TBC1D16: variants seen among roughly 807,000 people sequenced by gnomAD.
TBC1D16 encodes TBC1 domain family member 16, also known as CTD-2529O21.1.
In TBC1D16, 58 loss-of-function variants were observed where a neutral mutation model predicts 74.7. The ratio of observed to expected loss-of-function variants is 0.78; its 90% confidence interval spans 0.63 to 0.97. The LOEUF (loss-of-function observed/expected upper bound fraction) is 0.97, where lower values mean the gene tolerates loss of function less well. TBC1D16 is among the 50% of genes least tolerant of loss of function. The probability of loss-of-function intolerance (pLI) is 0.00; values close to 1 mark genes in which losing one functional copy is unlikely to be tolerated. For missense variants in TBC1D16, 1,014 were observed against 1,079.5 expected (o/e 0.94, Z 0.85); for synonymous variants, 493 against 474.7 (o/e 1.04, Z -0.50).
intron 9 of TBC1D16, among the ~76,000 whole-genome samples, chr17:79,946,837 C>T (rs1046246693): frequency 2.0e-5 from 3 of 152,234 alleles, no homozygotes; most frequent in Non-Finnish European, 2.9e-5. Flanking sequence ...GAGCTGTCCC[C>T]GGTGCAGGAG....
intron 3 of TBC1D16, among the ~76,000 whole-genome samples, chr17:79,960,717 T>C (rs1022046188): frequency 1.0e-4 from 14 of 136,106 alleles, no homozygotes; most frequent in Middle Eastern, 8.8e-3. Context: ...ATCATGCCAC[T>C]GCACTTCAGC....
chr17:79,949,634 T>TGAATTGCACCTC, intron 7 of TBC1D16, 83 bp downstream of exon 7: 1 of 1,505,866 alleles, frequency 6.6e-7, no homozygotes, highest in Non-Finnish European at 9.0e-7. Flanking sequence ...TTATCAATGC[T>TGAATTGCACCTC]GAATTGCACC....
chr17:79,951,058 A>G (rs965981915), intron 5 of TBC1D16, among the ~76,000 whole-genome samples: 1 of 152,242 alleles, frequency 6.6e-6, no homozygotes. Flanking sequence ...GGGGAAAAAA[A>G]GCCATGCTAC....
intron 1 of TBC1D16, among the ~76,000 whole-genome samples, chr17:80,022,572 C>G (rs1402515762): frequency 2.0e-5 from 3 of 149,564 alleles, no homozygotes; most frequent in Non-Finnish European, 4.4e-5. Context: ...CTCCTGCCCT[C>G]AGGTGATCCA....
chr17:79,955,708 A>T (rs970273648), intron 3 of TBC1D16, among the ~76,000 whole-genome samples: 1 of 152,250 alleles, frequency 6.6e-6, no homozygotes, highest in African/African-American at 2.4e-5. Context: ...GCTAAACTTT[A>T]AGAAATGTAG....
In TBC1D16 at chr17:79,979,599, G is replaced by A. The variant is rs570766856; in HGVS notation, c.780-26781C>T. Among the ~76,000 whole-genome samples, 11 of 152,132 alleles carry A rather than the reference G, an allele frequency of 7.2e-5. No individual in the cohort carries two copies. Among genetic ancestry groups the A allele is most frequent in the Admixed American group, 3.3e-4 (5 of 15,272 alleles). ...CAGAAAGACGCTCACGGTTCCTGTC[G>A]CAGGTCCAGGTTATTCGGTGCCATA... On this transcript the variant is annotated intron_variant, in intron 3 of 11. Coordinates refer to ENST00000310924, the MANE Select transcript of TBC1D16 (RefSeq NM_019020.4). This position sits in a 1 kb window ranked among gnomAD's most constrained non-coding sequence, Gnocchi z 4.8.
chr17:79,974,238 A>AT (rs35105621), intron 3 of TBC1D16, among the ~76,000 whole-genome samples: 5 of 151,102 alleles, frequency 3.3e-5, no homozygotes, highest in Non-Finnish European at 7.4e-5. Context: ...TTTCCATTTA[A>AT]TTTTTTTTTT....
chr17:80,017,193 T>C (rs971600138), intron 1 of TBC1D16, among the ~76,000 whole-genome samples: 3 of 152,044 alleles, frequency 2.0e-5, no homozygotes, highest in African/African-American at 7.2e-5. Context: ...AGTAAATGCT[T>C]TGGACTCTCT....
chr17:80,021,104 TAGAC>T (rs1386366797), intron 1 of TBC1D16, among the ~76,000 whole-genome samples: 1 of 149,570 alleles, frequency 6.7e-6, no homozygotes, highest in East Asian at 1.9e-4. Flanking sequence ...AATACAAAAT[TAGAC>T]AGGCATGGTG....
chr17:80,008,660 G>T lies in TBC1D16; in HGVS notation c.779+1500C>A, dbSNP rs370407535. On this transcript the variant is annotated intron_variant, in intron 3 of 11. Transcript: ENST00000310924. The surrounding 1 kb of genome is among the most constrained non-coding windows in gnomAD (Gnocchi z 4.5). ...GGCCCCGCCTCCCCCACACCTCCTC[G>T]GGTTCCCTGGCGCCTGACGCCACCC... Among the ~76,000 whole-genome samples the T allele has an allele frequency of 6.6e-6, 1 of 152,138 alleles. No individual in the cohort carries two copies.
At chr17:79,948,271 C>T (rs1392512827) in intron 8 of TBC1D16, among the ~76,000 whole-genome samples, 1 of 150,696 alleles carries the variant, frequency 6.6e-6, no homozygotes, top group East Asian at 2.0e-4. Flanking sequence ...CGAGATCACA[C>T]CACTGCACTC....
chr17:79,985,961 A>G lies in TBC1D16; in HGVS notation c.779+24199T>C, dbSNP rs777097846. Among the ~76,000 whole-genome samples, 1 of 152,054 alleles carries G rather than the reference A, an allele frequency of 6.6e-6. No individual in the cohort carries two copies. The highest frequency in any genetic ancestry group is 1.5e-5 in the Non-Finnish European group (1 of 67,990). ...TAAGAAAGCAGAAAGGTTATGAAAAACCATTTTTCCCAACGAAACTCTTCT... is the reference window on the plus strand; with the variant it reads ...TAAGAAAGCAGAAAGGTTATGAAAAGCCATTTTTCCCAACGAAACTCTTCT... On this transcript the variant is annotated intron_variant, in intron 3 of 11. Coordinates refer to ENST00000310924, the MANE Select transcript of TBC1D16 (RefSeq NM_019020.4). The surrounding 1 kb of genome is among the most constrained non-coding windows in gnomAD (Gnocchi z 4.9).
chr17:80,026,941 C>T (rs11868360), intron 1 of TBC1D16, among the ~76,000 whole-genome samples: 42,493 of 144,508 alleles, frequency 0.29, 7,755 homozygotes, highest in African/African-American at 0.45. Flanking sequence ...CATCAGTACA[C>T]GAACAGAGGC....
At chr17:79,974,173 T>C (rs2034234967) in intron 3 of TBC1D16, among the ~76,000 whole-genome samples, 1 of 152,232 alleles carries the variant, frequency 6.6e-6, no homozygotes, top group Non-Finnish European at 1.5e-5. Flanking sequence ...GAGACTTCAT[T>C]ACTCTACCAG....
chr17:80,005,614 C>T (rs1023556682), intron 3 of TBC1D16, among the ~76,000 whole-genome samples: 2 of 152,190 alleles, frequency 1.3e-5, no homozygotes, highest in Non-Finnish European at 2.9e-5. Flanking sequence ...GACGCATTGG[C>T]GACAGCAGCT....
chr17:79,963,726 A>G (rs2033721361), intron 3 of TBC1D16, among the ~76,000 whole-genome samples: 1 of 152,102 alleles, frequency 6.6e-6, no homozygotes, highest in Admixed American at 6.5e-5. Flanking sequence ...ATCCCTCCAC[A>G]TCCTCACCGA....
At chr17:79,953,811 A>G (rs2033199544) in intron 3 of TBC1D16, among the ~76,000 whole-genome samples, 1 of 150,350 alleles carries the variant, frequency 6.7e-6, no homozygotes, top group African/African-American at 2.5e-5. Context: ...TCGCTCTGTC[A>G]CCCAGGCTGG....
In TBC1D16 at chr17:79,932,459, A is replaced by C. The variant is rs2031312392; in HGVS notation, c.*8400T>G. 1.3e-5 allele frequency: 2 copies of C among 152,278 alleles called. No homozygotes were observed. The highest frequency in any genetic ancestry group is 1.3e-4 in the Admixed American group (2 of 15,284). 9.4% of individuals were successfully genotyped at this position (152,278 alleles called of 1,614,324 possible). On this transcript the variant is annotated 3_prime_UTR_variant, in exon 12 of 12. Transcript: ENST00000310924. ...ATCCTCTGCCCGGTCCCCTGTAGCT[A>C]GTGTCCAGACACTGGTCACAGACCT...
intron 3 of TBC1D16, among the ~76,000 whole-genome samples, chr17:79,999,994 G>A (rs149132092): frequency 1.3e-5 from 2 of 152,284 alleles, no homozygotes; most frequent in Non-Finnish European, 2.9e-5. Flanking sequence ...GGGCCATGAG[G>A]AGCAACTGAC....
Sources: allele counts gnomAD v4.1 joint callset (sites outside exome capture counted in the v4.1 genomes callset), GRCh38; gene constraint gnomAD v4.1.1; non-coding constraint Gnocchi (gnomAD v3.1); transcripts MANE v1.5; gene names NCBI Gene and HGNC (gene_info 2026-07-23, HGNC 2026-07-21).